Variants in COTL1 observed in about 807,000 individuals in gnomAD.
COTL1 encodes coactosin like F-actin binding protein 1.
A neutral mutation model predicts 16.5 loss-of-function variants in COTL1; 15 were observed. The ratio of observed to expected loss-of-function variants is 0.91; its 90% CI spans 0.61 to 1.40. The LOEUF (loss-of-function observed/expected upper bound fraction) is 1.40. Among genes scored for constraint, COTL1 ranks in the 40% most tolerant of loss-of-function variants. COTL1 has a pLI of 0.00. For synonymous variants in COTL1, 112 were observed against 85.3 expected (o/e 1.31, Z -1.73); for missense variants, 220 against 201.5 (o/e 1.09, Z -0.56).
At chr16:84,584,971 C>T (rs1904683782) in intron 3 of COTL1, among the ~76,000 whole-genome samples, 1 of 152,194 alleles carries the variant, frequency 6.6e-6, no homozygotes, top group Non-Finnish European at 1.5e-5. Flanking sequence ...TACACCTTCC[C>T]CCTTGGCAAA....
intron 3 of COTL1, among the ~76,000 whole-genome samples, chr16:84,584,200 A>G (rs1904666512): frequency 6.6e-6 from 1 of 152,266 alleles, no homozygotes; most frequent in South Asian, 2.1e-4. Context: ...CTGTGCGTTC[A>G]GCGCATTCCC....
Position 84,570,145 on chromosome 16 carries a change from G to A in COTL1, c.319-3190C>T, listed in dbSNP as rs748804163. Among the ~76,000 whole-genome samples, 16 of 152,194 alleles carry A rather than the reference G, an allele frequency of 1.1e-4. No homozygotes were observed. In the East Asian group the frequency reaches 1.5e-3, roughly 15 times the overall value. ...ATAAAAATCAGCTGGGTGTAGTGGC[G>A]CGAGCCTGTAATCCCAGCTACTCAG... On this transcript the variant is annotated intron_variant, in intron 3 of 3. Coordinates refer to ENST00000262428, the MANE Select transcript of COTL1 (RefSeq NM_021149.5).
chr16:84,601,909 C>A (rs1423241651), intron 2 of COTL1, among the ~76,000 whole-genome samples: 1 of 152,146 alleles, frequency 6.6e-6, no homozygotes, highest in Non-Finnish European at 1.5e-5. Context: ...CTCCACCAGC[C>A]CTTCTCTCTT....
At chr16:84,602,706 T>C (rs1905125777) in intron 2 of COTL1, among the ~76,000 whole-genome samples, 1 of 152,070 alleles carries the variant, frequency 6.6e-6, no homozygotes. Flanking sequence ...AATACAAAAA[T>C]TAGCCATTCA....
At chr16:84,580,740 C>T (rs1012619059) in intron 3 of COTL1, among the ~76,000 whole-genome samples, 2 of 152,172 alleles carry the variant, frequency 1.3e-5, no homozygotes, top group Non-Finnish European at 2.9e-5. Flanking sequence ...GTACAGCCCC[C>T]GGCTCATGGA....
chr16:84,593,422 T>C (rs1035217817), intron 2 of COTL1, among the ~76,000 whole-genome samples: 2 of 151,996 alleles, frequency 1.3e-5, no homozygotes, highest in African/African-American at 4.8e-5. Context: ...GTGCCTGAAT[T>C]CCCAAACATC....
chr16:84,617,625 G>A (rs770527264), intron 1 of COTL1, 42 bp from the exon 2 acceptor site: 1 of 1,530,464 alleles, frequency 6.5e-7, no homozygotes, highest in Non-Finnish European at 8.9e-7. Flanking sequence ...ACACATCAGC[G>A]CTGGTGGCCG....
intron 3 of COTL1, chr16:84,568,349 G>C (rs1597164846): frequency 6.6e-6 from 1 of 152,312 alleles, no homozygotes; most frequent in Non-Finnish European, 1.5e-5. Context: ...ACAGTACTGA[G>C]AATGACACAC....
rs1317626632 is a variant in COTL1, at chr16:84,599,087, CT to C, written c.161-8826del. On this transcript the variant is annotated intron_variant, in intron 2 of 3. Coordinates refer to ENST00000262428, the MANE Select transcript of COTL1 (RefSeq NM_021149.5). ...GCTCTGAAGGCTTGCCCCTCCCCCCCTTCCCCCTCCCACCCAAACTTGAAAT... is the reference window on the plus strand; with the variant it reads ...GCTCTGAAGGCTTGCCCCTCCCCCCCTCCCCCTCCCACCCAAACTTGAAAT... 3.3e-5 allele frequency among the ~76,000 whole-genome samples: 5 copies of C among 150,438 alleles called. No individual in the cohort carries two copies. In the South Asian group the frequency reaches 6.4e-4, roughly 19 times the overall value.
At chr16:84,601,860 C>G (rs1022186626) in intron 2 of COTL1, among the ~76,000 whole-genome samples, 1 of 152,178 alleles carries the variant, frequency 6.6e-6, no homozygotes. Context: ...GAACTCCAGA[C>G]AAAGCAACAG....
chr16:84,589,477 C>A (rs1390272676), intron 3 of COTL1, among the ~76,000 whole-genome samples: 1 of 152,156 alleles, frequency 6.6e-6, no homozygotes, highest in African/African-American at 2.4e-5. Flanking sequence ...AGATTCCCTA[C>A]TTCATGGGTT....
At chr16:84,605,306 G>A (rs1407473243) in intron 2 of COTL1, among the ~76,000 whole-genome samples, 4 of 152,234 alleles carry the variant, frequency 2.6e-5, no homozygotes, top group Non-Finnish European at 5.9e-5. Context: ...AGCCTGGCCT[G>A]CGTACTGCCT....
In COTL1 at chr16:84,617,971, C is replaced by A; in HGVS notation, c.-57G>T. ...GGCGGCCGAGCGCGCCCCTGGCCGGCGGCGGGGATGGGAGCGCGGCGGGTA... is the reference window on the plus strand; with the variant it reads ...GGCGGCCGAGCGCGCCCCTGGCCGGAGGCGGGGATGGGAGCGCGGCGGGTA... On this transcript the variant is annotated 5_prime_UTR_variant, in exon 1 of 4. Coordinates refer to ENST00000262428, the MANE Select transcript of COTL1 (RefSeq NM_021149.5). The A allele has an allele frequency of 3.0e-6, 4 of 1,330,710 alleles. No individual in the cohort carries two copies. The highest frequency in any genetic ancestry group is 3.9e-6 in the Non-Finnish European group (4 of 1,012,714). 82.4% of individuals were successfully genotyped at this position (1,330,710 alleles called of 1,614,324 possible).
intron 3 of COTL1, among the ~76,000 whole-genome samples, chr16:84,579,800 G>A (rs999598274): frequency 1.3e-5 from 2 of 152,178 alleles, no homozygotes; most frequent in African/African-American, 4.8e-5. Context: ...AGTATGCAGT[G>A]GTCCAGGGAA....
intron 3 of COTL1, among the ~76,000 whole-genome samples, chr16:84,581,644 C>G (rs1233946603): frequency 6.6e-6 from 1 of 151,902 alleles, no homozygotes; most frequent in African/African-American, 2.4e-5. Flanking sequence ...GCTGGGATTA[C>G]AGGCGTGTGC....
chr16:84,594,688 T>C (rs1359011136), intron 2 of COTL1: 1 of 152,266 alleles, frequency 6.6e-6, no homozygotes, highest in African/African-American at 2.4e-5. Context: ...CAGCCCGGAC[T>C]TGGATCCAAA....
At position 84,612,358 on chromosome 16, in the gene COTL1, T is replaced by C. The variant is rs539440946; in HGVS notation, c.160+5143A>G. Among the ~76,000 whole-genome samples, 268 of 152,332 alleles carry C rather than the reference T, an allele frequency of 1.8e-3. 5 individuals are homozygous for C. Among genetic ancestry groups the C allele is most frequent in the Non-Finnish European group, 3.2e-4 (22 of 68,038 alleles). ...AGACCCGGGCCAAGGGTCTAATGCG[T>C]GTCCACATGGGGCCAAATGCCTATT... On this transcript the variant is annotated intron_variant, in intron 2 of 3. Coordinates refer to ENST00000262428, the MANE Select transcript of COTL1 (RefSeq NM_021149.5).
chr16:84,602,987 A>G (rs879226109), intron 2 of COTL1, among the ~76,000 whole-genome samples: 3 of 152,204 alleles, frequency 2.0e-5, no homozygotes, highest in Admixed American at 2.0e-4. Flanking sequence ...ACGGTAGCCC[A>G]GAGGGACGCA....
chr16:84,614,694 T>C (rs1156847647), intron 2 of COTL1, among the ~76,000 whole-genome samples: 1 of 152,012 alleles, frequency 6.6e-6, no homozygotes, highest in Non-Finnish European at 1.5e-5. Context: ...GTGAGATGTT[T>C]GGAAGCAGGA....
Sources: allele counts gnomAD v4.1 joint callset (sites outside exome capture counted in the v4.1 genomes callset), GRCh38; gene constraint gnomAD v4.1.1; transcripts MANE v1.5; gene names NCBI Gene and HGNC (gene_info 2026-07-23, HGNC 2026-07-21).